Variants in SLC7A6 observed in about 807,000 individuals in gnomAD.
The protein encoded by SLC7A6 is solute carrier family 7 member 6, also known as Y+L amino acid transporter 2.
Under a neutral mutation model 46.6 loss-of-function variants are expected in SLC7A6, and 29 were observed. That is an observed-to-expected ratio of 0.62 (90% CI 0.46 to 0.85). The LOEUF is 0.85. SLC7A6 is among the 40% of genes least tolerant of loss of function. The probability of loss-of-function intolerance (pLI) is 0.00; values close to 1 mark genes in which losing one functional copy is unlikely to be tolerated. For synonymous variants in SLC7A6, 276 were observed against 257.3 expected (o/e 1.07, Z -0.70); for missense variants, 527 against 647.6 (o/e 0.81, Z 2.02).
At chr16:68,268,805 C>T (rs1181819919) in intron 2 of SLC7A6, among the ~76,000 whole-genome samples, 1 of 151,892 alleles carries the variant, frequency 6.6e-6, no homozygotes, top group Non-Finnish European at 1.5e-5. Context: ...CCCAGGAGTC[C>T]GAGACCAGCC....
At chr16:68,269,372 G>A (rs1046633157) in intron 2 of SLC7A6, among the ~76,000 whole-genome samples, 10 of 152,098 alleles carry the variant, frequency 6.6e-5, no homozygotes, top group African/African-American at 2.4e-4. Flanking sequence ...AGAGACTGAG[G>A]TATATAGTAT....
chr16:68,290,707 A>G, intron 5 of SLC7A6, 167 bp downstream of exon 5: 1 of 800,666 alleles, frequency 1.2e-6, no homozygotes, highest in East Asian at 2.7e-5. Context: ...GGAGTGAGTG[A>G]AGGTAGGAAA....
At chr16:68,265,718 A>T (rs114095284) in intron 1 of SLC7A6, 181 of 152,160 alleles carry the variant, frequency 1.2e-3, no homozygotes, top group African/African-American at 4.1e-3. Flanking sequence ...TTGCTTCCCA[A>T]CTTTGATCTC....
At chr16:68,287,909 C>G (rs771477485) in intron 4 of SLC7A6, 38 bp downstream of exon 4, 3 of 1,605,724 alleles carry the variant, frequency 1.9e-6, no homozygotes, top group Non-Finnish European at 2.6e-6. Flanking sequence ...AACAGTTCCT[C>G]TGGATTCCCT....
chr16:68,276,018 G>A (rs1231127857), intron 3 of SLC7A6, among the ~76,000 whole-genome samples: 1 of 152,170 alleles, frequency 6.6e-6, no homozygotes, highest in Non-Finnish European at 1.5e-5. Context: ...GAGAAAGTAG[G>A]CTTCACTAGA....
At chr16:68,291,016 G>A in intron 5 of SLC7A6, 193 bp from the exon 6 acceptor site, 1 of 638,310 alleles carries the variant, frequency 1.6e-6, no homozygotes, top group Non-Finnish European at 2.8e-6. Flanking sequence ...TATTGATCAT[G>A]AGCTATCTTC....
In SLC7A6 at chr16:68,296,367, A is replaced by G. The variant is rs1337917509; in HGVS notation, c.1123A>G (p.Thr375Ala). 6.2e-7 allele frequency: 1 copy of G among 1,613,836 alleles called. No homozygotes were observed. The highest frequency in any genetic ancestry group is 8.5e-7 in the Non-Finnish European group (1 of 1,179,992). The change falls in exon 9 of 11, where the codon ACC becomes GCC. Residue 375 changes from threonine to alanine, a missense_variant. Physicochemically the swap from Thr to Ala is moderately conservative, Grantham distance 58. Coordinates refer to ENST00000219343, the MANE Select transcript of SLC7A6 (RefSeq NM_003983.6). ...TCTCCCCACCCCTTTCCCACAGTGC[A>G]CCATGGCACTCATCTACCTCATCGT... is the stretch of plus-strand genomic sequence containing the variant. Reference protein sequence around the residue: ...TPIPALLFNCTMALIYLIVED... With the variant: ...TPIPALLFNCAMALIYLIVED...
chr16:68,274,897 C>T lies in SLC7A6; in HGVS notation c.171C>T (p.Asn57=). 1 of 1,614,196 alleles carries T rather than the reference C, an allele frequency of 6.2e-7. No homozygotes were observed. The highest frequency in any genetic ancestry group is 8.5e-7 in the Non-Finnish European group (1 of 1,180,028). ...ATGGGGTCAGCCTGGTGGTGGGCAA[C>T]ATGATCGGCTCAGGGATCTTTGTCT... The part of the protein sequence containing the change: ...LLNGVSLVVG[N]MIGSGIFVSP... The change falls in exon 3 of 11, where the codon AAC becomes AAT. Residue 57 remains asparagine, a synonymous_variant. Transcript: ENST00000219343.
chr16:68,291,986 C>T (rs2043065093), intron 7 of SLC7A6: 1 of 268,950 alleles, frequency 3.7e-6, no homozygotes, highest in South Asian at 5.9e-5. Flanking sequence ...GCTGGTAGCT[C>T]ATGTTTTGTG....
chr16:68,268,674 C>A (rs2042575164), intron 2 of SLC7A6, among the ~76,000 whole-genome samples: 1 of 152,162 alleles, frequency 6.6e-6, no homozygotes, highest in South Asian at 2.1e-4. Context: ...TCCTTTATTA[C>A]CTGCTGCAGG....
intron 3 of SLC7A6, among the ~76,000 whole-genome samples, chr16:68,276,149 A>G (rs1211127230): frequency 6.6e-6 from 1 of 152,184 alleles, no homozygotes; most frequent in East Asian, 1.9e-4. Flanking sequence ...TTCCTAGTGT[A>G]TCAGACTTCT....
At position 68,275,382 on chromosome 16, in the gene SLC7A6, G is replaced by A. The variant is rs192060090; in HGVS notation, c.523+133G>A. The A allele has an allele frequency of 7.9e-4, 895 of 1,131,342 alleles. 1 individual carries two copies. In the African/African-American group the frequency reaches 0.013, roughly 16 times the overall value. 70.1% of individuals were successfully genotyped at this position (1,131,342 alleles called of 1,614,324 possible). ...AGGCTGAGGCGGGCGGATCACCTGAGGTTGGGAGTTCGAGACCAGCCTGAC... is the reference window on the plus strand; with the variant it reads ...AGGCTGAGGCGGGCGGATCACCTGAAGTTGGGAGTTCGAGACCAGCCTGAC... On this transcript the variant is annotated intron_variant, in intron 3 of 10. Transcript: ENST00000219343.
Position 68,300,531 on chromosome 16 carries a change from T to G in SLC7A6, c.*3203T>G, listed in dbSNP as rs2043251809. 1.2e-6 allele frequency: 1 copy of G among 831,352 alleles called. No individual in the cohort carries two copies. Among genetic ancestry groups the G allele is most frequent in the Non-Finnish European group, 1.5e-6 (1 of 689,534 alleles). The allele number at this position is 831,352 out of a possible 1,614,324, so 51.5% of individuals were successfully genotyped here. A position where few individuals can be genotyped will look rare whatever the true frequency, so the allele number is the denominator to read the frequency against. On this transcript the variant is annotated 3_prime_UTR_variant, in exon 11 of 11. Transcript: ENST00000219343. Reference sequence around the variant, plus strand: ...TCCCTTGCCTTAAGTCCTTGGTATTTATAATCAATGCTGAACCTTCTATTT... The same window carrying G: ...TCCCTTGCCTTAAGTCCTTGGTATTGATAATCAATGCTGAACCTTCTATTT...
At chr16:68,289,012 G>A (rs146230532) in intron 4 of SLC7A6, among the ~76,000 whole-genome samples, 6,082 of 150,798 alleles carry the variant, frequency 0.04, 151 homozygotes, top group Middle Eastern at 0.14. Context: ...GGCTGGGCGC[G>A]GTGGCTCATG....
chr16:68,268,772 G>C (rs779794723), intron 2 of SLC7A6, among the ~76,000 whole-genome samples: 2 of 152,156 alleles, frequency 1.3e-5, no homozygotes, highest in South Asian at 4.1e-4. Context: ...TTGGGAAGCC[G>C]AGGCAGGCGG....
rs1463530253 is a variant in SLC7A6 at position 68,301,754 on chromosome 16, AAAG to A, written c.*4429_*4431del. The A allele has an allele frequency of 5.9e-6, 1 of 168,990 alleles. No individual in the cohort carries two copies. Among genetic ancestry groups the A allele is most frequent in the Non-Finnish European group, 1.2e-5 (1 of 80,130 alleles). The allele number at this position is 168,990 out of a possible 1,614,324, so 10.5% of individuals were successfully genotyped here. On this transcript the variant is annotated 3_prime_UTR_variant, in exon 11 of 11. Coordinates refer to ENST00000219343, the MANE Select transcript of SLC7A6 (RefSeq NM_003983.6). Reference sequence around the variant, plus strand: ...AACGTGTTATTGACAAACCTCCCCAAAAGAATATGCAATTGTTTGATTCATTTC... The same window carrying A: ...AACGTGTTATTGACAAACCTCCCCAAAATATGCAATTGTTTGATTCATTTC...
chr16:68,282,760 G>C (rs2042852403), intron 3 of SLC7A6, among the ~76,000 whole-genome samples: 1 of 152,094 alleles, frequency 6.6e-6, no homozygotes, highest in Admixed American at 6.5e-5. Flanking sequence ...TGGGACTACA[G>C]GCATACGCCA....
intron 2 of SLC7A6, among the ~76,000 whole-genome samples, chr16:68,269,297 T>C (rs2042585438): frequency 6.6e-6 from 1 of 152,212 alleles, no homozygotes. Flanking sequence ...GTGGGTTGTT[T>C]TTCTTGCTTT....
chr16:68,265,260 C>T (rs914433810), intron 1 of SLC7A6, among the ~76,000 whole-genome samples: 2 of 152,158 alleles, frequency 1.3e-5, no homozygotes, highest in Non-Finnish European at 2.9e-5. Flanking sequence ...TTTTGAGCGT[C>T]CCTATAGCCT....
Sources: gnomAD v4.1 joint callset for allele counts (sites outside exome capture counted in the v4.1 genomes callset) on GRCh38, gnomAD v4.1.1 for gene constraint, MANE v1.5 for transcripts, NCBI Gene and HGNC (gene_info 2026-07-23, HGNC 2026-07-21) for gene names.